TUBA3D: variants seen among roughly 807,000 people sequenced by gnomAD.
TUBA3D encodes tubulin alpha-3D chain.
A neutral mutation model predicts 36.1 loss-of-function variants in TUBA3D; 24 were observed. That is an observed-to-expected ratio of 0.66 (90% CI 0.48 to 0.93). The LOEUF is 0.93. Ranked by LOEUF, TUBA3D falls within the 40% of genes least tolerant of loss-of-function variation. TUBA3D has a pLI of 0.00. For missense variants in TUBA3D, 356 were observed against 614.5 expected (o/e 0.58, Z 4.45); for synonymous variants, 185 against 247.2 (o/e 0.75, Z 2.36).
chr2:131,479,312 A>T lies in TUBA3D; in HGVS notation c.231A>T (p.Glu77Asp). Reference protein sequence around the residue: ...FVDLEPTVVDEVRTGTYRQLF... With the variant: ...FVDLEPTVVDDVRTGTYRQLF... The stretch of plus-strand genomic sequence containing the variant: ...CACACACTGTCTCTTTTGCAGATGA[A>T]GTGCGCACAGGGACCTACAGGCAGC... Residue 77 changes from glutamate (E) to aspartate (D), a missense_variant, in exon 3 of 5, where the codon GAA becomes GAT. Transcript: ENST00000321253. 1 of 1,613,708 alleles carries T rather than the reference A, an allele frequency of 6.2e-7. No individual in the cohort carries two copies. The highest frequency in any genetic ancestry group is 8.5e-7 in the Non-Finnish European group (1 of 1,179,730).
At position 131,478,635 on chromosome 2, in the gene TUBA3D, T is replaced by C. The variant is rs546430768; in HGVS notation, c.226+249T>C. ...AGCAGTAAGATGGGCTGTGAAGAGA[T>C]TCCCTCGTGCGTGCCTCAGCCCTGC... On this transcript the variant is annotated intron_variant, in intron 2 of 4. Coordinates refer to ENST00000321253, the MANE Select transcript of TUBA3D (RefSeq NM_080386.4). 5.1e-5 allele frequency: 35 copies of C among 691,564 alleles called. No individual in the cohort carries two copies. The East Asian group carries it at 1.0e-3, about 20-fold the overall frequency. The allele number at this position is 691,564 out of a possible 1,614,324, so 42.8% of individuals were successfully genotyped here.
At chr2:131,480,910 C>T (rs184676067) in intron 4 of TUBA3D, among the ~76,000 whole-genome samples, 161 bp downstream of exon 4, 25,415 of 145,998 alleles carry the variant, frequency 0.17, 3,880 homozygotes, top group African/African-American at 0.42. Context: ...TCAGTGATTT[C>T]TTTTTTTTTT....
At chr2:131,482,046 C>T (rs1573863467) in intron 4 of TUBA3D, among the ~76,000 whole-genome samples, 1 of 152,330 alleles carries the variant, frequency 6.6e-6, no homozygotes, top group Non-Finnish European at 1.5e-5. Context: ...TCGACCACTT[C>T]CTGCTGCTGT....
intron 4 of TUBA3D, among the ~76,000 whole-genome samples, chr2:131,481,044 C>T (rs538294400): frequency 2.6e-4 from 40 of 151,784 alleles, no homozygotes; most frequent in Middle Eastern, 6.9e-3. Flanking sequence ...GCTGGGATTA[C>T]AGGTACCCGC....
intron 4 of TUBA3D, among the ~76,000 whole-genome samples, chr2:131,481,382 C>T (rs1678860390): frequency 6.6e-6 from 1 of 152,004 alleles, no homozygotes. Context: ...GATTCTCTCA[C>T]CTCAGCCTCC....
At chr2:131,476,313 G>C in intron 1 of TUBA3D, 111 bp downstream of exon 1, 1 of 1,580,690 alleles carries the variant, frequency 6.3e-7, no homozygotes, top group Non-Finnish European at 8.6e-7. Context: ...GCCAGAGAAG[G>C]ACGCAGGGTC....
rs1485057412 is a variant in TUBA3D, at chr2:131,481,439, T to TTTA, written c.1056+692_1056+693insATT. Among the ~76,000 whole-genome samples, 186 of 146,922 alleles carry TTTA rather than the reference T, an allele frequency of 1.3e-3. 2 individuals carry two copies. The highest frequency in any genetic ancestry group is 4.2e-3 in the African/African-American group (160 of 37,714). ...ATGCAACACCATGCCCGGGTAATTTTTTTTTTTTTTTTTTGAGACAGAGTC... is the reference window on the plus strand; with the variant it reads ...ATGCAACACCATGCCCGGGTAATTTTTTATTTTTTTTTTTTTTGAGACAGAGTC... On this transcript the variant is annotated intron_variant, in intron 4 of 4. Coordinates refer to ENST00000321253, the MANE Select transcript of TUBA3D (RefSeq NM_080386.4).
In TUBA3D at chr2:131,482,830, A is replaced by G. The variant is rs762573075; in HGVS notation, c.1335A>G (p.Glu445=). The G allele has an allele frequency of 1.4e-5, 23 of 1,613,800 alleles. No individual in the cohort carries two copies. The South Asian group carries it at 2.4e-4, about 17-fold the overall frequency. The part of the protein sequence containing the change: ...VGVDSVEAEA[E]EGEEY ...TGGATTCCGTGGAAGCTGAGGCTGA[A>G]GAAGGCGAAGAATACTGAGGGGAGG... Residue 445 remains glutamate, a synonymous_variant, in exon 5 of 5, where the codon GAA becomes GAG. Coordinates refer to ENST00000321253, the MANE Select transcript of TUBA3D (RefSeq NM_080386.4).
In TUBA3D at chr2:131,480,482, C is replaced by T. The variant is rs1272270445; in HGVS notation, c.789C>T (p.Pro263=). The T allele has an allele frequency of 4.4e-6, 7 of 1,589,366 alleles. 1 individual carries two copies. Among genetic ancestry groups the T allele is most frequent in the Non-Finnish European group, 6.0e-6 (7 of 1,171,946 alleles). ...TEFQTNLVPY[P]RIHFPLATYA... The stretch of plus-strand genomic sequence containing the variant: ...TCCAGACCAACCTAGTGCCGTACCC[C>T]CGCATCCACTTCCCCCTGGCCACCT... The change falls in exon 4 of 5, where the codon CCC becomes CCT. Residue 263 remains proline (P), a synonymous_variant. Transcript: ENST00000321253.
rs772356938 is a variant in TUBA3D at position 131,482,640 on chromosome 2, C to T, written c.1145C>T (p.Thr382Met). The change falls in exon 5 of 5, where the codon ACG (threonine) becomes ATG (methionine). Residue 382 changes from threonine to methionine, a missense_variant. By Grantham distance (81) the Thr-to-Met change is moderately conservative (BLOSUM62 -1). Coordinates refer to ENST00000321253, the MANE Select transcript of TUBA3D (RefSeq NM_080386.4). ...QRAVCMLSNT[T>M]AIAEAWARLD... ...GCCGTGTGCATGCTGAGCAACACCA[C>T]GGCCATTGCGGAGGCCTGGGCCCGC... The T allele has an allele frequency of 3.3e-5, 54 of 1,614,118 alleles. No individual in the cohort carries two copies. The highest frequency in any genetic ancestry group is 6.7e-5 in the African/African-American group (5 of 74,938).
At position 131,480,334 on chromosome 2, in the gene TUBA3D, G is replaced by T. The variant is rs765243639; in HGVS notation, c.641G>T (p.Arg214Leu). Residue 214 changes from arginine (R) to leucine (L), a missense_variant, in exon 4 of 5, where the codon CGG (arginine) becomes CTG (leucine). Transcript: ENST00000321253. ...VDNEAIYDIC[R>L]RNLDIERPTY... ...AATGAAGCCATCTATGACATATGTC[G>T]GCGCAACCTGGACATTGAACGTCCC... 2.5e-6 allele frequency: 4 copies of T among 1,611,848 alleles called. No individual in the cohort carries two copies. The highest frequency in any genetic ancestry group is 3.4e-6 in the Non-Finnish European group (4 of 1,179,912).
chr2:131,478,211 C>T lies in TUBA3D; in HGVS notation c.51C>T (p.Gly17=). 1.2e-6 allele frequency: 2 copies of T among 1,614,104 alleles called. No individual in the cohort carries two copies. The highest frequency in any genetic ancestry group is 1.1e-5 in the South Asian group (1 of 91,082). The change falls in exon 2 of 5, where the codon GGC becomes GGT. Residue 17 remains glycine (G), a synonymous_variant. Transcript: ENST00000321253. ...IHVGQAGVQI[G]NACWELYCLE... is the part of the protein sequence containing the mutation. ...TGGGGCAGGCGGGTGTCCAGATCGG[C>T]AATGCCTGCTGGGAACTGTACTGCC...
rs775903908 is a variant in TUBA3D at position 131,482,587 on chromosome 2, C to G, written c.1092C>G (p.Pro364=). The G allele has an allele frequency of 1.2e-6, 2 of 1,612,984 alleles. No individual in the cohort carries two copies. Among genetic ancestry groups the G allele is most frequent in the Non-Finnish European group, 1.7e-6 (2 of 1,179,284 alleles). The change falls in exon 5 of 5, where the codon CCC becomes CCG. Residue 364 remains proline, a synonymous_variant. Transcript: ENST00000321253. ...GINYQPPTVV[P]GGDLAKVQRA... The stretch of plus-strand genomic sequence containing the variant: ...ACTACCAGCCCCCCACAGTGGTCCC[C>G]GGGGGAGACCTGGCCAAGGTGCAGC...
At chr2:131,479,280 T>A (rs1163338271) in intron 2 of TUBA3D, 28 bp from the exon 3 acceptor site, 1 of 1,610,846 alleles carries the variant, frequency 6.2e-7, no homozygotes, top group Admixed American at 1.7e-5. Context: ...GCCTTAAAAA[T>A]TCACAGCACA....
rs1223743613 is a variant in TUBA3D at position 131,482,613 on chromosome 2, G to C, written c.1118G>C (p.Arg373Pro). The C allele has an allele frequency of 1.2e-6, 2 of 1,613,958 alleles. No individual in the cohort carries two copies. The highest frequency in any genetic ancestry group is 1.7e-6 in the Non-Finnish European group (2 of 1,180,000). The change falls in exon 5 of 5, where the codon CGG becomes CCG. Residue 373 changes from arginine to proline, a missense_variant. By Grantham distance (103) the Arg-to-Pro change is moderately radical. Coordinates refer to ENST00000321253, the MANE Select transcript of TUBA3D (RefSeq NM_080386.4). ...VPGGDLAKVQ[R>P]AVCMLSNTTA... ...GGGGGAGACCTGGCCAAGGTGCAGC[G>C]GGCCGTGTGCATGCTGAGCAACACC...
intron 4 of TUBA3D, among the ~76,000 whole-genome samples, chr2:131,482,231 C>T (rs1400617369): frequency 6.6e-6 from 1 of 152,172 alleles, no homozygotes; most frequent in Non-Finnish European, 1.5e-5. Flanking sequence ...TAATTGTAAT[C>T]TACAAAGAAG....
At chr2:131,477,627 C>T (rs1467039593) in intron 1 of TUBA3D, among the ~76,000 whole-genome samples, 2 of 150,706 alleles carry the variant, frequency 1.3e-5, no homozygotes, top group East Asian at 1.9e-4. Flanking sequence ...AGCCAGAGGG[C>T]GAGGAAGGCC....
Position 131,480,740 on chromosome 2 carries a change from T to G in TUBA3D, c.1047T>G (p.Thr349=), listed in dbSNP as rs747677098. The part of the protein sequence containing the change: ...RTIQFVDWCP[T]GFKVGINYQP... ...TCCAGTTTGTGGATTGGTGCCCGACTGGATTTAAGGTATGACTGGGTGATG... is the reference window on the plus strand; with the variant it reads ...TCCAGTTTGTGGATTGGTGCCCGACGGGATTTAAGGTATGACTGGGTGATG... Residue 349 remains threonine (T), a synonymous_variant, in exon 4 of 5, where the codon ACT becomes ACG. Transcript: ENST00000321253. 7 of 1,610,934 alleles carry G rather than the reference T, an allele frequency of 4.3e-6. No homozygotes were observed. The South Asian group carries it at 7.7e-5, about 18-fold the overall frequency.
intron 3 of TUBA3D, among the ~76,000 whole-genome samples, 175 bp downstream of exon 3, chr2:131,479,631 G>A (rs1338754918): frequency 1.3e-5 from 2 of 152,158 alleles, no homozygotes; most frequent in Admixed American, 1.3e-4. Flanking sequence ...CCTGAGGTCA[G>A]GAGTTTGAGA....
Sources: gnomAD v4.1 joint callset for allele counts (sites outside exome capture counted in the v4.1 genomes callset) on GRCh38, gnomAD v4.1.1 for gene constraint, MANE v1.5 for transcripts, NCBI Gene and HGNC (gene_info 2026-07-23, HGNC 2026-07-21) for gene names.